The following NELL1 variants were observed in gnomAD, a reference collection of about 807,000 sequenced individuals.
The protein encoded by NELL1 is neural EGFL like 1.
In NELL1, 76 loss-of-function variants were observed where a neutral mutation model predicts 107.4. That is an observed-to-expected ratio of 0.71 (90% CI 0.59 to 0.86). NELL1 has a LOEUF of 0.86. Ranked by LOEUF, NELL1 falls within the 40% of genes least tolerant of loss-of-function variation. The pLI is 0.00. For missense variants in NELL1, 1,024 were observed against 1,005.5 expected (o/e 1.02, Z -0.25); for synonymous variants, 353 against 341.2 (o/e 1.03, Z -0.38).
intron 2 of NELL1, among the ~76,000 whole-genome samples, chr11:20,685,756 T>C (rs1854292137): frequency 1.3e-5 from 2 of 152,246 alleles, no homozygotes; most frequent in South Asian, 4.1e-4. Context: ...ATCTGCCTTA[T>C]GCATTATTGA....
At chr11:21,184,462 G>T (rs185615454) in intron 13 of NELL1, among the ~76,000 whole-genome samples, 1 of 151,780 alleles carries the variant, frequency 6.6e-6, no homozygotes, top group Non-Finnish European at 1.5e-5. Context: ...TAGAGATGGG[G>T]TTTCGCAATG....
At chr11:21,064,483 T>C (rs1224577682) in intron 12 of NELL1, among the ~76,000 whole-genome samples, 4 of 152,126 alleles carry the variant, frequency 2.6e-5, no homozygotes, top group African/African-American at 9.7e-5. Context: ...TCCTCCGAAA[T>C]TGAAAACTGA....
At chr11:21,431,410 G>A (rs950458155) in intron 15 of NELL1, among the ~76,000 whole-genome samples, 1 of 152,174 alleles carries the variant, frequency 6.6e-6, no homozygotes, top group African/African-American at 2.4e-5. Context: ...AGGTAGATCT[G>A]TTAATTTGTT....
chr11:20,739,899 CAA>C (rs940079008), intron 2 of NELL1, among the ~76,000 whole-genome samples: 4 of 152,152 alleles, frequency 2.6e-5, no homozygotes, highest in African/African-American at 9.7e-5. Flanking sequence ...AACAAAGAGA[CAA>C]TAACCAAGAT....
rs1211482498 is a variant in NELL1, at chr11:20,755,901, T to G, written c.185-27779T>G. ...TTTTTTTTTTTTTTTTTTTTTTTTT[T>G]TTTTTTTATGAGACGGAGTCTCGCT... On this transcript the variant is annotated intron_variant, in intron 2 of 19. Transcript: ENST00000357134. Among the ~76,000 whole-genome samples, 4 of 52,208 alleles carry G rather than the reference T, an allele frequency of 7.7e-5. 1 individual carries two copies. The highest frequency in any genetic ancestry group is 2.5e-4 in the African/African-American group (4 of 16,020). The allele number at this position is 52,208 out of a possible 152,430, so 34.3% of individuals were successfully genotyped here.
chr11:20,698,041 T>C (rs921264764), intron 2 of NELL1, among the ~76,000 whole-genome samples: 1 of 152,204 alleles, frequency 6.6e-6, no homozygotes, highest in African/African-American at 2.4e-5. Context: ...ATGAGCCTAG[T>C]CACTAATTAC....
chr11:21,540,540 T>C (rs774200338), intron 16 of NELL1, among the ~76,000 whole-genome samples: 20 of 152,080 alleles, frequency 1.3e-4, no homozygotes, highest in Admixed American at 5.2e-4. Flanking sequence ...AACTGGTTCA[T>C]GGTTCTACAG....
intron 2 of NELL1, among the ~76,000 whole-genome samples, chr11:20,708,471 A>G (rs1290754279): frequency 1.4e-5 from 2 of 147,466 alleles, no homozygotes; most frequent in African/African-American, 5.0e-5. Flanking sequence ...CCATCTTGGA[A>G]CCTCCCTGAA....
chr11:21,200,347 A>G (rs1055158636), intron 13 of NELL1, among the ~76,000 whole-genome samples: 2 of 152,132 alleles, frequency 1.3e-5, no homozygotes, highest in East Asian at 1.9e-4. Context: ...TCTAACTGGA[A>G]TGAGATGGTA....
At chr11:21,458,168 G>C (rs776205485) in intron 15 of NELL1, among the ~76,000 whole-genome samples, 3 of 152,142 alleles carry the variant, frequency 2.0e-5, no homozygotes, top group Non-Finnish European at 4.4e-5. Context: ...TAGCCTCCTT[G>C]TAAGAACCAG....
chr11:20,914,587 A>C (rs1293616109), intron 5 of NELL1, among the ~76,000 whole-genome samples: 1 of 152,042 alleles, frequency 6.6e-6, no homozygotes, highest in Non-Finnish European at 1.5e-5. Context: ...GGAGAGGTTT[A>C]ATGAAGCATG....
chr11:21,132,127 A>C (rs1041047564), intron 13 of NELL1, among the ~76,000 whole-genome samples: 1 of 152,126 alleles, frequency 6.6e-6, no homozygotes, highest in African/African-American at 2.4e-5. Context: ...ATAGAGGCTC[A>C]TGGTGCAATG....
intron 3 of NELL1, among the ~76,000 whole-genome samples, chr11:20,789,324 C>T (rs535921208): frequency 2.6e-4 from 39 of 152,314 alleles, no homozygotes; most frequent in African/African-American, 6.5e-4. Context: ...GCTGCTGCCA[C>T]GGGGTGGGCA....
intron 16 of NELL1, among the ~76,000 whole-genome samples, chr11:21,551,460 A>G (rs138019426): frequency 0.016 from 2,361 of 152,060 alleles, 59 homozygotes; most frequent in African/African-American, 0.054. Context: ...CCCATTCAGT[A>G]TGATATTGGC....
chr11:21,029,208 A>G (rs922877208), intron 12 of NELL1, among the ~76,000 whole-genome samples: 2 of 152,208 alleles, frequency 1.3e-5, no homozygotes, highest in African/African-American at 2.4e-5. Flanking sequence ...AACAAATGAC[A>G]CAAGGACTCA....
chr11:21,394,448 A>G (rs866689983), intron 15 of NELL1, among the ~76,000 whole-genome samples: 2 of 151,440 alleles, frequency 1.3e-5, no homozygotes, highest in African/African-American at 4.8e-5. Flanking sequence ...GTGTATATAT[A>G]TGGCCGTGTG....
intron 15 of NELL1, among the ~76,000 whole-genome samples, chr11:21,384,318 G>A (rs573994329): frequency 6.6e-6 from 1 of 151,946 alleles, no homozygotes; most frequent in African/African-American, 2.4e-5. Flanking sequence ...GGCCTATAAG[G>A]CCCTAGTTAC....
intron 14 of NELL1, among the ~76,000 whole-genome samples, chr11:21,334,113 T>C (rs984611632): frequency 1.3e-5 from 2 of 152,098 alleles, no homozygotes; most frequent in African/African-American, 4.8e-5. Flanking sequence ...AGGACATTGA[T>C]ATGTAAAAAC....
chr11:21,297,632 A>G, intron 14 of NELL1, among the ~76,000 whole-genome samples: 1 of 152,060 alleles, frequency 6.6e-6, no homozygotes, highest in East Asian at 1.9e-4. Flanking sequence ...TTTGTCTTCC[A>G]TTGAATACTT....
Sources: gnomAD v4.1 joint callset for allele counts (sites outside exome capture counted in the v4.1 genomes callset) on GRCh38, gnomAD v4.1.1 for gene constraint, MANE v1.5 for transcripts, NCBI Gene and HGNC (gene_info 2026-07-23, HGNC 2026-07-21) for gene names.